Variants in PLCL2 observed in about 807,000 individuals in gnomAD.
The protein encoded by PLCL2 is inactive phospholipase C-like protein 2.
A neutral mutation model predicts 79.6 loss-of-function variants in PLCL2; 4 were observed. That is an observed-to-expected ratio of 0.05 (90% CI 0.02 to 0.11). The LOEUF is 0.11. Among genes scored for constraint, PLCL2 ranks in the 10% least tolerant of loss-of-function variants. The pLI, the probability that PLCL2 is intolerant of heterozygous loss-of-function variation, is 1.00. For missense variants in PLCL2, 895 were observed against 1,291.0 expected, an observed-to-expected ratio of 0.69 and a Z score of 4.70; for synonymous variants, 484 against 457.7, an observed-to-expected ratio of 1.06 and a Z score of -0.73.
chr3:16,995,075 C>T (rs149025780), intron 1 of PLCL2, among the ~76,000 whole-genome samples: 268 of 152,340 alleles, frequency 1.8e-3, no homozygotes, highest in Admixed American at 4.0e-3. Context: ...GTCACATTGT[C>T]CTCCCCACAA....
intron 3 of PLCL2, among the ~76,000 whole-genome samples, chr3:17,038,409 C>T (rs377128410): frequency 6.6e-6 from 1 of 152,302 alleles, no homozygotes; most frequent in Non-Finnish European, 1.5e-5. Flanking sequence ...CATGCATTTG[C>T]ATTAATGCAA....
At position 17,010,703 on chromosome 3, in the gene PLCL2, C is replaced by T. The variant is rs2064311742; in HGVS notation, c.1357C>T (p.Pro453Ser). ...CTTAATAGAGGATCAGTTCCGAGGTCCCTCCGACATCACAGGATATATTCG... is the reference window on the plus strand; with the variant it reads ...CTTAATAGAGGATCAGTTCCGAGGTTCCTCCGACATCACAGGATATATTCG... Reference protein sequence around the residue: ...TYLIEDQFRGPSDITGYIRAL... With the variant: ...TYLIEDQFRGSSDITGYIRAL... The change falls in exon 2 of 6, where the codon CCC becomes TCC. Residue 453 changes from proline (P) to serine (S), a missense_variant. By Grantham distance (74) the Pro-to-Ser change is moderately conservative. Transcript: ENST00000615277. The surrounding 1 kb of genome is among the most constrained non-coding windows in gnomAD (Gnocchi z 5.8). 2 of 1,614,136 alleles carry T rather than the reference C, an allele frequency of 1.2e-6. No individual in the cohort carries two copies. Among genetic ancestry groups the T allele is most frequent in the Non-Finnish European group, 1.7e-6 (2 of 1,180,008 alleles).
intron 4 of PLCL2, among the ~76,000 whole-genome samples, chr3:17,065,228 A>G (rs2064997610): frequency 6.6e-6 from 1 of 152,106 alleles, no homozygotes; most frequent in Non-Finnish European, 1.5e-5. Flanking sequence ...AGACTTGTAA[A>G]ATATGAGCTT....
chr3:17,079,165 G>A (rs965879121), intron 5 of PLCL2, among the ~76,000 whole-genome samples: 1 of 152,138 alleles, frequency 6.6e-6, no homozygotes, highest in African/African-American at 2.4e-5. Flanking sequence ...TCACGCCCAT[G>A]GCCCAGCCCC....
At chr3:17,081,744 A>T (rs757171444) in intron 5 of PLCL2, among the ~76,000 whole-genome samples, 2 of 152,212 alleles carry the variant, frequency 1.3e-5, no homozygotes, top group African/African-American at 2.4e-5. Context: ...AATCCCAGGT[A>T]AGCCACAGGC....
intron 3 of PLCL2, among the ~76,000 whole-genome samples, chr3:17,036,216 A>C (rs561291726): frequency 6.6e-6 from 1 of 152,290 alleles, no homozygotes; most frequent in African/African-American, 2.4e-5. Context: ...TGAGATGGAA[A>C]GGGGAGCTGG....
intron 1 of PLCL2, among the ~76,000 whole-genome samples, chr3:16,957,309 G>A (rs2063715279): frequency 6.6e-6 from 1 of 152,180 alleles, no homozygotes; most frequent in East Asian, 1.9e-4. Flanking sequence ...TCAGGAGCAG[G>A]TTGTTCAGTT....
At position 17,087,204 on chromosome 3, in the gene PLCL2, A is replaced by G. The variant is rs541602298; in HGVS notation, c.3205-2529A>G. ...CTTATGTCAACACAAAAATCTGCAT[A>G]CAGATGCTTATAGCAGAGTTATTTT... On this transcript the variant is annotated intron_variant, in intron 5 of 5. Transcript: ENST00000615277. 4.6e-4 allele frequency among the ~76,000 whole-genome samples: 70 copies of G among 152,236 alleles called. 1 individual carries two copies. The highest frequency in any genetic ancestry group is 8.8e-4 in the Non-Finnish European group (60 of 68,042).
chr3:16,889,975 G>T (rs1046565171), intron 1 of PLCL2, among the ~76,000 whole-genome samples: 5 of 152,158 alleles, frequency 3.3e-5, no homozygotes, highest in East Asian at 1.9e-4. Context: ...AAGTGAATTT[G>T]TCTGGATAGA....
At chr3:17,058,335 C>G (rs1280638297) in intron 4 of PLCL2, among the ~76,000 whole-genome samples, 1 of 152,152 alleles carries the variant, frequency 6.6e-6, no homozygotes, top group Non-Finnish European at 1.5e-5. Context: ...TAATATTAAG[C>G]AAACAAATTT....
At chr3:16,981,858 T>C (rs2124988673) in intron 1 of PLCL2, among the ~76,000 whole-genome samples, 1 of 152,358 alleles carries the variant, frequency 6.6e-6, no homozygotes, top group Admixed American at 6.5e-5. Flanking sequence ...AACAAAAATT[T>C]AGTATCTGAC....
rs1009346840 is a variant in PLCL2, at chr3:17,090,088, G to A, written c.*176G>A. On this transcript the variant is annotated 3_prime_UTR_variant, in exon 6 of 6. Coordinates refer to ENST00000615277, the MANE Select transcript of PLCL2 (RefSeq NM_001144382.2). ...TGTATGTAGCAATCCTGCGTGTGAA[G>A]GCAAATAAACTCTTTAACAGGCAAT... 4 of 1,317,936 alleles carry A rather than the reference G, an allele frequency of 3.0e-6. No homozygotes were observed. The African/African-American group carries it at 6.0e-5, about 20-fold the overall frequency. The allele number at this position is 1,317,936 out of a possible 1,614,324, so 81.6% of individuals were successfully genotyped here.
chr3:16,917,642 A>G (rs1408574064), intron 1 of PLCL2, among the ~76,000 whole-genome samples: 1 of 152,182 alleles, frequency 6.6e-6, no homozygotes, highest in Non-Finnish European at 1.5e-5. Flanking sequence ...TCCACTCATG[A>G]TAGTTCCAGA....
chr3:16,947,221 A>T (rs1380411392), intron 1 of PLCL2, among the ~76,000 whole-genome samples: 1 of 151,874 alleles, frequency 6.6e-6, no homozygotes, highest in Non-Finnish European at 1.5e-5. Context: ...AAGTGCTGGG[A>T]TTATAGGCGC....
rs188205573 is a variant in PLCL2 at position 16,957,031 on chromosome 3, A to G, written c.328-52643A>G. On this transcript the variant is annotated intron_variant, in intron 1 of 5. Transcript: ENST00000615277. ...GGTTTTTTGTGTCTCTATTTCCTTC[A>G]GTTCTGCTCTGATTTTAGTTGTTTC... Among the ~76,000 whole-genome samples the G allele has an allele frequency of 7.2e-5, 11 of 151,864 alleles. No homozygotes were observed. In the East Asian group the frequency reaches 7.7e-4, roughly 11 times the overall value.
intron 5 of PLCL2, among the ~76,000 whole-genome samples, chr3:17,086,920 T>C (rs1346461680): frequency 3.3e-5 from 5 of 152,176 alleles, no homozygotes; most frequent in African/African-American, 1.2e-4. Flanking sequence ...CACATGTCAC[T>C]AGGAAATTAT....
At chr3:16,981,028 C>G (rs995792224) in intron 1 of PLCL2, among the ~76,000 whole-genome samples, 3 of 152,184 alleles carry the variant, frequency 2.0e-5, no homozygotes, top group Non-Finnish European at 2.9e-5. Context: ...CGCAGGCACT[C>G]GGCAAGCTGA....
intron 1 of PLCL2, among the ~76,000 whole-genome samples, chr3:16,932,595 TTC>T (rs972387098): frequency 2.6e-5 from 4 of 152,210 alleles, no homozygotes; most frequent in African/African-American, 9.7e-5. Context: ...CTGCTGAATT[TTC>T]TCTCTCTCCA....
intron 1 of PLCL2, among the ~76,000 whole-genome samples, chr3:16,915,918 A>T (rs1168726574): frequency 6.6e-6 from 1 of 152,208 alleles, no homozygotes; most frequent in Non-Finnish European, 1.5e-5. Context: ...GAATGCAATA[A>T]ATAACATGAA....
Sources: allele counts gnomAD v4.1 joint callset (sites outside exome capture counted in the v4.1 genomes callset), GRCh38; gene constraint gnomAD v4.1.1; non-coding constraint Gnocchi (gnomAD v3.1); transcripts MANE v1.5; gene names NCBI Gene and HGNC (gene_info 2026-07-23, HGNC 2026-07-21).